CDH4: variants seen among roughly 807,000 people sequenced by gnomAD.
CDH4 encodes cadherin-4.
A neutral mutation model predicts 86.0 loss-of-function variants in CDH4; 33 were observed. The ratio of observed to expected loss-of-function variants is 0.38; its 90% CI spans 0.29 to 0.51. The LOEUF (loss-of-function observed/expected upper bound fraction) is 0.51, where lower values mean the gene tolerates loss of function less well. CDH4 is among the 20% of genes least tolerant of loss of function. CDH4 has a pLI of 0.86. For missense variants in CDH4, 1,114 were observed against 1,307.4 expected, an observed-to-expected ratio of 0.85 and a Z score of 2.28; for synonymous variants, 555 against 549.4, an observed-to-expected ratio of 1.01 and a Z score of -0.14.
chr20:61,585,278 C>A (rs1048672504), intron 2 of CDH4, among the ~76,000 whole-genome samples: 9 of 152,202 alleles, frequency 5.9e-5, no homozygotes, highest in African/African-American at 1.7e-4. Flanking sequence ...TCATTTCCAG[C>A]GTTTTCCTTT....
chr20:61,415,544 C>T (rs1238214812), intron 2 of CDH4, among the ~76,000 whole-genome samples: 2 of 152,128 alleles, frequency 1.3e-5, no homozygotes, highest in African/African-American at 2.4e-5. Flanking sequence ...GCACTCTCCC[C>T]CGCCCCTGGC....
At chr20:61,352,951 T>C (rs945333432) in intron 2 of CDH4, among the ~76,000 whole-genome samples, 1 of 152,006 alleles carries the variant, frequency 6.6e-6, no homozygotes, top group African/African-American at 2.4e-5. Flanking sequence ...GCCTCAACAT[T>C]CTCTCTGCCT....
rs553737381 is a variant in CDH4 at position 61,682,353 on chromosome 20, A to AATGG, written c.170-61193_170-61190dup. Reference sequence around the variant, plus strand: ...GGAGGGAGGAAGGGAGAGATAGATGAATGGATGGATGGATGGATGGTGGAT... The same window carrying AATGG: ...GGAGGGAGGAAGGGAGAGATAGATGAATGGATGGATGGATGGATGGATGGTGGAT... On this transcript the variant is annotated intron_variant, in intron 2 of 15. Transcript: ENST00000614565. Among the ~76,000 whole-genome samples the AATGG allele has an allele frequency of 6.2e-5, 8 of 128,798 alleles. No homozygotes were observed. In the East Asian group the frequency reaches 1.1e-3, roughly 18 times the overall value. The allele number at this position is 128,798 out of a possible 152,430, so 84.5% of individuals were successfully genotyped here.
chr20:61,513,420 G>A (rs1489289866), intron 2 of CDH4, among the ~76,000 whole-genome samples: 1 of 152,170 alleles, frequency 6.6e-6, no homozygotes, highest in African/African-American at 2.4e-5. Flanking sequence ...GAGAACTTCT[G>A]TGCTCATCTC....
chr20:61,266,493 T>C (rs1372736722), intron 2 of CDH4, among the ~76,000 whole-genome samples: 1 of 151,956 alleles, frequency 6.6e-6, no homozygotes, highest in Non-Finnish European at 1.5e-5. Flanking sequence ...GCCATCTATA[T>C]TGATGTGCCT....
At chr20:61,354,548 G>A (rs1444235429) in intron 2 of CDH4, among the ~76,000 whole-genome samples, 1 of 152,178 alleles carries the variant, frequency 6.6e-6, no homozygotes, top group African/African-American at 2.4e-5. Flanking sequence ...TGAGGGGAGA[G>A]AGAAGAGACT....
chr20:61,694,595 A>T (rs900216706), intron 2 of CDH4, among the ~76,000 whole-genome samples: 11 of 152,242 alleles, frequency 7.2e-5, no homozygotes, highest in African/African-American at 2.7e-4. Context: ...TAATGAGCAC[A>T]CTTGGAGGAA....
chr20:61,520,745 G>A (rs891313162), intron 2 of CDH4, among the ~76,000 whole-genome samples: 14 of 152,158 alleles, frequency 9.2e-5, no homozygotes, highest in Admixed American at 3.9e-4. Context: ...TCCAGGCCCC[G>A]GATCCTGAAG....
chr20:61,899,079 G>A (rs1253500589), intron 8 of CDH4, among the ~76,000 whole-genome samples: 6 of 152,222 alleles, frequency 3.9e-5, no homozygotes, highest in South Asian at 2.1e-4. Context: ...GGTGGATCAC[G>A]AGGTCCGGAG....
intron 2 of CDH4, among the ~76,000 whole-genome samples, chr20:61,391,729 G>A (rs2084987395): frequency 6.6e-6 from 1 of 152,176 alleles, no homozygotes; most frequent in Non-Finnish European, 1.5e-5. Flanking sequence ...GAGAACCAGT[G>A]CTTCTGCTTC....
At chr20:61,379,077 C>T (rs554270122) in intron 2 of CDH4, among the ~76,000 whole-genome samples, 11 of 152,036 alleles carry the variant, frequency 7.2e-5, no homozygotes, top group South Asian at 4.2e-4. Context: ...GTGAGAATGC[C>T]GGGTAGGGGG....
At chr20:61,403,365 A>G (rs2085060796) in intron 2 of CDH4, among the ~76,000 whole-genome samples, 1 of 152,150 alleles carries the variant, frequency 6.6e-6, no homozygotes, top group African/African-American at 2.4e-5. Context: ...CATACTGAGT[A>G]ACTTATTTTT....
intron 2 of CDH4, among the ~76,000 whole-genome samples, chr20:61,292,778 C>CTGTTTT (rs559593362): frequency 6.0e-4 from 91 of 152,348 alleles, no homozygotes; most frequent in African/African-American, 1.9e-3. Flanking sequence ...TTGGGCAATG[C>CTGTTTT]TGTTTTTGTT....
chr20:61,800,913 G>C (rs575497043), intron 4 of CDH4, among the ~76,000 whole-genome samples: 2 of 152,336 alleles, frequency 1.3e-5, no homozygotes, highest in African/African-American at 4.8e-5. Flanking sequence ...CAGTGGCCTC[G>C]GGCCCATCTG....
intron 2 of CDH4, among the ~76,000 whole-genome samples, chr20:61,396,306 C>T (rs7269354): frequency 0.16 from 24,157 of 152,004 alleles, 4,119 homozygotes; most frequent in African/African-American, 0.42. Context: ...AGACCGAGGT[C>T]GAGGCCCCTT....
intron 2 of CDH4, among the ~76,000 whole-genome samples, chr20:61,550,721 G>C (rs2086123291): frequency 6.6e-6 from 1 of 152,216 alleles, no homozygotes; most frequent in South Asian, 2.1e-4. Context: ...TGGGCTCCTT[G>C]CAGTGCAGAG....
intron 2 of CDH4, among the ~76,000 whole-genome samples, chr20:61,263,476 A>G (rs2084139192): frequency 6.6e-6 from 1 of 152,154 alleles, no homozygotes; most frequent in South Asian, 2.1e-4. Flanking sequence ...GGGACTTACC[A>G]TGTGCCAATG....
chr20:61,758,829 G>A (rs148252732), intron 3 of CDH4, among the ~76,000 whole-genome samples: 186 of 152,304 alleles, frequency 1.2e-3, no homozygotes, highest in African/African-American at 4.1e-3. Flanking sequence ...GCGTGGTGCG[G>A]GGCAGGCACA....
At chr20:61,509,331 C>T (rs1180742724) in intron 2 of CDH4, among the ~76,000 whole-genome samples, 1 of 151,776 alleles carries the variant, frequency 6.6e-6, no homozygotes. Context: ...CATCCTGCCC[C>T]AGGGAATATT....
Sources: allele counts gnomAD v4.1 joint callset (sites outside exome capture counted in the v4.1 genomes callset), GRCh38; gene constraint gnomAD v4.1.1; transcripts MANE v1.5; gene names NCBI Gene and HGNC (gene_info 2026-07-23, HGNC 2026-07-21).